The following GTF2E2 variants were observed in gnomAD, a reference collection of about 807,000 sequenced individuals.
GTF2E2 encodes the protein transcription initiation factor IIE subunit beta.
A neutral mutation model predicts 40.5 loss-of-function variants in GTF2E2; 21 were observed. The ratio of observed to expected loss-of-function variants is 0.52; its 90% CI spans 0.37 to 0.75. The LOEUF (loss-of-function observed/expected upper bound fraction) is 0.75. Among genes scored for constraint, GTF2E2 ranks in the 30% least tolerant of loss-of-function variants. The pLI is 0.00. For missense variants in GTF2E2, 298 were observed against 338.4 expected, an observed-to-expected ratio of 0.88 and a Z score of 0.94; for synonymous variants, 117 against 121.6, an observed-to-expected ratio of 0.96 and a Z score of 0.25.
chr8:30,587,354 AGTTAGCTGAGATCATGCCGCTGC>A (rs1828711820), intron 6 of GTF2E2, among the ~76,000 whole-genome samples: 1 of 152,176 alleles, frequency 6.6e-6, no homozygotes, highest in Non-Finnish European at 1.5e-5. Context: ...TGGAGGCTGC[AGTTAGCTGAGATCATGCCGCTGC>A]ATTACAATCT....
At chr8:30,592,086 T>C (rs1585940462) in intron 6 of GTF2E2, among the ~76,000 whole-genome samples, 1 of 152,186 alleles carries the variant, frequency 6.6e-6, no homozygotes, top group African/African-American at 2.4e-5. Flanking sequence ...CTTAAAGGTA[T>C]TTAATTTCAG....
chr8:30,618,387 C>T (rs916443362), intron 3 of GTF2E2, among the ~76,000 whole-genome samples: 37 of 151,988 alleles, frequency 2.4e-4, no homozygotes, highest in African/African-American at 7.7e-4. Flanking sequence ...GTGGCTCCTT[C>T]GCTTCATGTC....
At chr8:30,628,013 T>C (rs980523978) in intron 3 of GTF2E2, among the ~76,000 whole-genome samples, 7 of 152,250 alleles carry the variant, frequency 4.6e-5, no homozygotes, top group Non-Finnish European at 1.0e-4. Flanking sequence ...GGAAAAATCA[T>C]GTGGCAAAAG....
intron 1 of GTF2E2, among the ~76,000 whole-genome samples, chr8:30,654,350 G>A (rs1307101610): frequency 6.6e-6 from 1 of 151,908 alleles, no homozygotes; most frequent in Non-Finnish European, 1.5e-5. Context: ...TGAATATACT[G>A]GGTTAAATAA....
intron 1 of GTF2E2, 87 bp downstream of exon 1, chr8:30,657,886 G>A (rs4612301): frequency 6.6e-6 from 1 of 152,354 alleles, no homozygotes; most frequent in South Asian, 2.1e-4. Context: ...GTCACGCTCA[G>A]CCTCCCGGGA....
At chr8:30,630,435 A>T (rs986674664) in intron 3 of GTF2E2, among the ~76,000 whole-genome samples, 1 of 152,232 alleles carries the variant, frequency 6.6e-6, no homozygotes, top group Non-Finnish European at 1.5e-5. Context: ...CTTATTAAGC[A>T]ATTAAACAGT....
intron 6 of GTF2E2, among the ~76,000 whole-genome samples, chr8:30,587,480 A>AT (rs1229468865): frequency 6.6e-6 from 1 of 151,994 alleles, no homozygotes; most frequent in Non-Finnish European, 1.5e-5. Flanking sequence ...CAAAAAAAAA[A>AT]AAATAACCTG....
chr8:30,654,961 C>T (rs1000805298), intron 1 of GTF2E2, among the ~76,000 whole-genome samples: 2 of 152,194 alleles, frequency 1.3e-5, no homozygotes, highest in Admixed American at 1.3e-4. Context: ...CTACAGAGAG[C>T]CGGGCACAGT....
intron 6 of GTF2E2, among the ~76,000 whole-genome samples, chr8:30,605,595 C>T (rs1038245233): frequency 6.6e-6 from 1 of 151,450 alleles, no homozygotes; most frequent in Non-Finnish European, 1.5e-5. Context: ...GTTATTATAC[C>T]TAAGAATAAA....
At chr8:30,615,474 A>G (rs745837834) in intron 3 of GTF2E2, among the ~76,000 whole-genome samples, 2 of 152,202 alleles carry the variant, frequency 1.3e-5, no homozygotes, top group Non-Finnish European at 2.9e-5. Flanking sequence ...AAAGGAAAAT[A>G]TTAGAAATAA....
rs370230318 is a variant in GTF2E2, at chr8:30,605,607, G to T, written c.643+1450C>A. On this transcript the variant is annotated intron_variant, in intron 6 of 7. Transcript: ENST00000355904. ...ATTGTTATTATACCTAAGAATAAAG[G>T]AATCGGTTATTTCTTAGATTTTTTT... Among the ~76,000 whole-genome samples, 49 of 148,746 alleles carry T rather than the reference G, an allele frequency of 3.3e-4. 1 individual carries two copies. The highest frequency in any genetic ancestry group is 1.2e-3 in the African/African-American group (49 of 40,106).
chr8:30,607,625 T>A (rs998601705), intron 5 of GTF2E2, among the ~76,000 whole-genome samples: 13 of 152,190 alleles, frequency 8.5e-5, no homozygotes, highest in Non-Finnish European at 1.9e-4. Flanking sequence ...TTCAATTTTT[T>A]AAAAATTGAT....
intron 6 of GTF2E2, among the ~76,000 whole-genome samples, chr8:30,599,788 T>C (rs769500040): frequency 3.3e-5 from 5 of 151,920 alleles, no homozygotes; most frequent in Non-Finnish European, 7.4e-5. Flanking sequence ...ATCGAGACCA[T>C]CCTGGCCAAC....
chr8:30,623,122 C>A (rs945335452), intron 3 of GTF2E2, among the ~76,000 whole-genome samples: 1 of 152,044 alleles, frequency 6.6e-6, no homozygotes, highest in Non-Finnish European at 1.5e-5. Flanking sequence ...TAAAGAAAGG[C>A]ATAAGAAATT....
intron 3 of GTF2E2, among the ~76,000 whole-genome samples, chr8:30,633,675 A>C (rs1321704887): frequency 3.3e-5 from 5 of 152,200 alleles, no homozygotes; most frequent in Non-Finnish European, 7.3e-5. Flanking sequence ...ATGACACTTA[A>C]ATGTCAGTGT....
At chr8:30,623,847 A>G (rs1021677073) in intron 3 of GTF2E2, among the ~76,000 whole-genome samples, 5 of 150,422 alleles carry the variant, frequency 3.3e-5, no homozygotes, top group African/African-American at 9.8e-5. Flanking sequence ...TCCTTTGCCC[A>G]CTTTTTGATG....
Position 30,583,041 on chromosome 8 carries a change from C to T in GTF2E2, c.644-2645G>A, listed in dbSNP as rs908264020. Among the ~76,000 whole-genome samples, 5 of 152,148 alleles carry T rather than the reference C, an allele frequency of 3.3e-5. No homozygotes were observed. In the South Asian group the frequency reaches 8.3e-4, roughly 25 times the overall value. On this transcript the variant is annotated intron_variant, in intron 6 of 7. Coordinates refer to ENST00000355904, the MANE Select transcript of GTF2E2 (RefSeq NM_002095.6). ...CCTTCCATATGTACTAATTAGAATT[C>T]TACTATAATAGGCTGGGCACGGTGG...
At chr8:30,592,946 A>ACAGCC (rs1370092469) in intron 6 of GTF2E2, among the ~76,000 whole-genome samples, 4 of 152,214 alleles carry the variant, frequency 2.6e-5, no homozygotes, top group African/African-American at 4.8e-5. Flanking sequence ...CACGCATGTA[A>ACAGCC]TCCCAGCACT....
chr8:30,583,704 A>G (rs1828580191), intron 6 of GTF2E2, among the ~76,000 whole-genome samples: 4 of 152,108 alleles, frequency 2.6e-5, no homozygotes, highest in Admixed American at 2.0e-4. Context: ...CAATTATTTA[A>G]TTTAGCAGAC....
Sources: gnomAD v4.1 joint callset for allele counts (sites outside exome capture counted in the v4.1 genomes callset) on GRCh38, gnomAD v4.1.1 for gene constraint, MANE v1.5 for transcripts, NCBI Gene and HGNC (gene_info 2026-07-23, HGNC 2026-07-21) for gene names.